PTPN11: variants seen among roughly 807,000 people sequenced by gnomAD.
PTPN11 encodes the protein protein tyrosine phosphatase non-receptor type 11, also known as tyrosine-protein phosphatase non-receptor type 11.
Under a neutral mutation model 78.8 loss-of-function variants are expected in PTPN11, and 6 were observed. That is an observed-to-expected ratio of 0.08 (90% CI 0.04 to 0.15). The LOEUF is 0.15. Among genes scored for constraint, PTPN11 ranks in the 10% least tolerant of loss-of-function variants. The pLI, the probability that PTPN11 is intolerant of heterozygous loss-of-function variation, is 1.00. For missense variants in PTPN11, 386 were observed against 744.8 expected (o/e 0.52, Z 5.61); for synonymous variants, 221 against 263.5 (o/e 0.84, Z 1.56).
intron 14 of PTPN11, among the ~76,000 whole-genome samples, chr12:112,503,118 CAAAAG>C (rs930071572): frequency 2.0e-5 from 3 of 152,068 alleles, no homozygotes; most frequent in Non-Finnish European, 2.9e-5. Flanking sequence ...GGTTGTAAAA[CAAAAG>C]AACACAAAAC....
chr12:112,429,572 C>T (rs1266274636), intron 1 of PTPN11, among the ~76,000 whole-genome samples: 54 of 143,612 alleles, frequency 3.8e-4, no homozygotes, highest in Middle Eastern at 4.0e-3. Context: ...GAGGCTGAGG[C>T]GGACAGATCA....
chr12:112,445,157 A>C (rs2037972291), intron 1 of PTPN11, among the ~76,000 whole-genome samples: 1 of 151,868 alleles, frequency 6.6e-6, no homozygotes, highest in African/African-American at 2.4e-5. Flanking sequence ...TTTGAGATGG[A>C]GTCTTGCTCT....
At chr12:112,501,586 C>T (rs1370063014) in intron 13 of PTPN11, among the ~76,000 whole-genome samples, 2 of 152,248 alleles carry the variant, frequency 1.3e-5, no homozygotes, top group African/African-American at 4.8e-5. Context: ...GATCATGCCA[C>T]TGCACACTAG....
At chr12:112,496,999 C>T (rs559894422) in intron 13 of PTPN11, among the ~76,000 whole-genome samples, 23 of 151,890 alleles carry the variant, frequency 1.5e-4, no homozygotes, top group Non-Finnish European at 2.5e-4. Flanking sequence ...TGGTAAAACC[C>T]CATCTCTACA....
chr12:112,477,547 A>G, intron 7 of PTPN11, 104 bp from the exon 8 acceptor site: 3 of 901,124 alleles, frequency 3.3e-6, no homozygotes, highest in Non-Finnish European at 3.6e-6. Flanking sequence ...TTTTTCAATC[A>G]TTGAATGAAC....
intron 6 of PTPN11, 56 bp downstream of exon 6, chr12:112,456,119 G>A: frequency 8.7e-7 from 1 of 1,149,208 alleles, no homozygotes; most frequent in Non-Finnish European, 1.3e-6. Flanking sequence ...TTTTAGTGGA[G>A]GAGAAGTTGC....
chr12:112,485,484 C>T (rs552218847), intron 10 of PTPN11, among the ~76,000 whole-genome samples: 6 of 152,146 alleles, frequency 3.9e-5, no homozygotes, highest in East Asian at 3.9e-4. Context: ...AGTATTTCAG[C>T]GAGCTCACTG....
intron 6 of PTPN11, among the ~76,000 whole-genome samples, chr12:112,464,759 T>C (rs1462886876): frequency 6.6e-6 from 1 of 152,120 alleles, no homozygotes; most frequent in Non-Finnish European, 1.5e-5. Flanking sequence ...GGGGTCTCAC[T>C]ATCTTGCCCA....
At chr12:112,441,960 G>A (rs1039900122) in intron 1 of PTPN11, among the ~76,000 whole-genome samples, 46 of 151,826 alleles carry the variant, frequency 3.0e-4, no homozygotes, top group African/African-American at 1.0e-3. Context: ...TGCATTTTTA[G>A]TAGAGAGGGG....
chr12:112,481,090 A>G (rs1287831913), intron 9 of PTPN11, among the ~76,000 whole-genome samples: 1 of 152,194 alleles, frequency 6.6e-6, no homozygotes, highest in African/African-American at 2.4e-5. Context: ...TAGAGGAGGT[A>G]TCAGATGGGT....
At chr12:112,438,315 T>C (rs2037826703) in intron 1 of PTPN11, among the ~76,000 whole-genome samples, 1 of 152,082 alleles carries the variant, frequency 6.6e-6, no homozygotes, top group Non-Finnish European at 1.5e-5. Flanking sequence ...TTTATTTGTT[T>C]ATTGTTTTCT....
At chr12:112,471,956 T>C (rs1302230646) in intron 6 of PTPN11, among the ~76,000 whole-genome samples, 2 of 152,108 alleles carry the variant, frequency 1.3e-5, no homozygotes, top group Non-Finnish European at 2.9e-5. Context: ...TTTTGTCATG[T>C]TGGCCAGGCT....
chr12:112,444,503 A>G (rs978446021), intron 1 of PTPN11, among the ~76,000 whole-genome samples: 1 of 151,936 alleles, frequency 6.6e-6, no homozygotes, highest in South Asian at 2.1e-4. Flanking sequence ...CACCACGCCC[A>G]ACTAATTTTG....
In PTPN11 at chr12:112,482,353, C is replaced by T. The variant is rs1434819973; in HGVS notation, c.1224+148C>T. 1.1e-6 allele frequency: 1 copy of T among 942,880 alleles called. No individual in the cohort carries two copies. Among genetic ancestry groups the T allele is most frequent in the Non-Finnish European group, 1.7e-6 (1 of 603,200 alleles). 58.4% of individuals were successfully genotyped at this position (942,880 alleles called of 1,614,324 possible). ...CATTTATTAGCTTCCTTCTATGTGC[C>T]AGGTACAGTTTAAGCAGTACTGGTA... On this transcript the variant is annotated intron_variant, in intron 10 of 15. Transcript: ENST00000351677. The surrounding 1 kb of genome is among the most constrained non-coding windows in gnomAD (Gnocchi z 4.4).
Position 112,426,465 on chromosome 12 carries a change from C to G in PTPN11, c.14+7340C>G, listed in dbSNP as rs1156231853. ...AGAGATGGGGTTTCACCATGTTGGC[C>G]AGGCTGGTTTTGAACTCCTGACTTC... On this transcript the variant is annotated intron_variant, in intron 1 of 15. Transcript: ENST00000351677. Among the ~76,000 whole-genome samples the G allele has an allele frequency of 5.9e-5, 9 of 152,286 alleles. No individual in the cohort carries two copies. The South Asian group carries it at 1.9e-3, about 32-fold the overall frequency.
At chr12:112,496,796 T>A (rs1162942265) in intron 13 of PTPN11, among the ~76,000 whole-genome samples, 1 of 152,198 alleles carries the variant, frequency 6.6e-6, no homozygotes, top group African/African-American at 2.4e-5. Context: ...AGGAAATACA[T>A]ACAACACAGG....
intron 9 of PTPN11, among the ~76,000 whole-genome samples, chr12:112,480,359 C>T (rs1247226190): frequency 3.3e-5 from 5 of 149,638 alleles, no homozygotes; most frequent in African/African-American, 7.4e-5. Flanking sequence ...TAAAAGACCA[C>T]ATCGTTCTTT....
chr12:112,477,927 A>C lies in PTPN11; in HGVS notation c.1004A>C (p.Gln335Pro), dbSNP rs886041622. The change falls in exon 9 of 16, where the codon CAA (glutamine) becomes CCA (proline). Residue 335 changes from glutamine (Q) to proline (P), a missense_variant. This residue lies in a region of PTPN11 where 279 missense variants were observed against 503.3 expected (regional missense o/e 0.55). Coordinates refer to ENST00000351677, the MANE Select transcript of PTPN11 (RefSeq NM_002834.5). ...KSYIATQGCL[Q>P]NTVNDFWRMV... ...TACATTGCCACACAAGGCTGCCTGC[A>C]AAACACGGTGAATGACTTTTGGCGG... is the stretch of plus-strand genomic sequence containing the variant. 5 of 1,614,116 alleles carry C rather than the reference A, an allele frequency of 3.1e-6. No homozygotes were observed. The highest frequency in any genetic ancestry group is 4.2e-6 in the Non-Finnish European group (5 of 1,180,040).
intron 2 of PTPN11, among the ~76,000 whole-genome samples, chr12:112,448,731 G>A (rs751595936): frequency 5.9e-5 from 9 of 151,924 alleles, no homozygotes; most frequent in African/African-American, 1.2e-4. Context: ...AGCAGGTAGC[G>A]ATTTAGTTGT....
Sources: allele counts gnomAD v4.1 joint callset (sites outside exome capture counted in the v4.1 genomes callset), GRCh38; gene constraint gnomAD v4.1.1; regional missense constraint gnomAD v4.1.1; non-coding constraint Gnocchi (gnomAD v3.1); transcripts MANE v1.5; gene names NCBI Gene and HGNC (gene_info 2026-07-23, HGNC 2026-07-21).